The following KMT2B variants were observed in gnomAD, a reference collection of about 807,000 sequenced individuals.
KMT2B encodes lysine methyltransferase 2B, also known as histone-lysine N-methyltransferase 2B.
In KMT2B, 22 loss-of-function variants were observed where a neutral mutation model predicts 255.3. The observed-to-expected ratio is 0.09, with a 90% CI of 0.06 to 0.12. KMT2B has a LOEUF of 0.12. Ranked by LOEUF, KMT2B falls within the 10% of genes least tolerant of loss-of-function variation. The pLI, the probability that KMT2B is intolerant of heterozygous loss-of-function variation, is 1.00. For synonymous variants in KMT2B, 1,730 were observed against 1,498.1 expected (o/e 1.15, Z -3.57); for missense variants, 3,149 against 3,737.0 (o/e 0.84, Z 4.10).
chr19:35,733,350 G>T lies in KMT2B; in HGVS notation c.6801G>T (p.Gly2267=), dbSNP rs1371933577. Residue 2267 remains glycine (G), a synonymous_variant, in exon 28 of 37, where the codon GGG becomes GGT. Transcript: ENST00000420124. This position sits in a 1 kb window ranked among gnomAD's most constrained non-coding sequence, Gnocchi z 4.3. ...PPPLTLVLSS[G]PASPPRQAIR... ...CCCTGACGCTGGTGCTGAGCAGTGG[G>T]CCAGCCAGCCCGCCCCGCCAGGCCA... The T allele has an allele frequency of 1.5e-5, 23 of 1,546,656 alleles. No homozygotes were observed. Among genetic ancestry groups the T allele is most frequent in the Non-Finnish European group, 1.8e-5 (21 of 1,145,250 alleles).
Position 35,727,006 on chromosome 19 carries a change from C to G in KMT2B, c.4004-150C>G. 2.2e-6 allele frequency: 1 copy of G among 450,060 alleles called. No homozygotes were observed. The highest frequency in any genetic ancestry group is 3.3e-5 in the South Asian group (1 of 30,724). The allele number at this position is 450,060 out of a possible 1,614,324, so 27.9% of individuals were successfully genotyped here. ...CTCAAAAAAAAAAAAAAAAAAAAAG[C>G]CTCATCCTCAAGGAGCTTTTAGGGA... On this transcript the variant is annotated intron_variant, in intron 14 of 36. Coordinates refer to ENST00000420124, the MANE Select transcript of KMT2B (RefSeq NM_014727.3). The surrounding 1 kb of genome is among the most constrained non-coding windows in gnomAD (Gnocchi z 4.2).
chr19:35,720,464 G>A lies in KMT2B; in HGVS notation c.1117G>A (p.Glu373Lys), dbSNP rs867807136. 8.4e-6 allele frequency: 13 copies of A among 1,550,428 alleles called. No homozygotes were observed. The highest frequency in any genetic ancestry group is 4.2e-5 in the African/African-American group (3 of 71,992). Residue 373 changes from glutamate (E) to lysine (K), a missense_variant, in exon 3 of 37, where the codon GAA (glutamate) becomes AAA (lysine). This residue lies in a region of KMT2B where 1,188 missense variants were observed against 1,106.4 expected (regional missense o/e 1.07). Coordinates refer to ENST00000420124, the MANE Select transcript of KMT2B (RefSeq NM_014727.3). ...DEEEEKKEEE[E>K]KDKEGEEKEE... The stretch of plus-strand genomic sequence containing the variant: ...GGAAGAAGAGAAGAAAGAAGAAGAA[G>A]AAAAAGACAAGGAGGGAGAAGAGAA...
intron 8 of KMT2B, 147 bp from the exon 9 acceptor site, chr19:35,724,490 C>T (rs1480053498): frequency 2.8e-6 from 2 of 704,906 alleles, no homozygotes; most frequent in African/African-American, 1.8e-5. Context: ...CAGAGCGAGA[C>T]CCTGCCTCAA....
In KMT2B at chr19:35,718,422, A is replaced by G. The variant is rs1276081533; in HGVS notation, c.363+41A>G. On this transcript the variant is annotated intron_variant, in intron 1 of 36. Coordinates refer to ENST00000420124, the MANE Select transcript of KMT2B (RefSeq NM_014727.3). The surrounding 1 kb of genome is among the most constrained non-coding windows in gnomAD (Gnocchi z 5.0). ...GCGTCCCCGGCGCCGGGTGGGGCGG[A>G]GGCCGGGGCTTCCAGGGGTCTGGGT... The G allele has an allele frequency of 6.5e-6, 8 of 1,231,172 alleles. No homozygotes were observed. In the South Asian group the frequency reaches 2.4e-4, roughly 37 times the overall value. 76.3% of individuals were successfully genotyped at this position (1,231,172 alleles called of 1,614,324 possible). A position where few individuals can be genotyped will look rare whatever the true frequency, so the allele number is the denominator to read the frequency against.
intron 9 of KMT2B, 96 bp from the exon 10 acceptor site, chr19:35,724,893 G>GA: frequency 8.6e-7 from 1 of 1,156,968 alleles, no homozygotes; most frequent in Non-Finnish European, 1.3e-6. Flanking sequence ...CTGGATCAGG[G>GA]TCTGGGTCCA....
chr19:35,720,328 A>G lies in KMT2B; in HGVS notation c.981A>G (p.Gln327=), dbSNP rs932293015. Reference sequence around the variant, plus strand: ...TGTCCTTGGGACTCGAATCAGGTCAAGGTCAAGGTCAACATGAGGAAAGTT... The same window carrying G: ...TGTCCTTGGGACTCGAATCAGGTCAGGGTCAAGGTCAACATGAGGAAAGTT... ...GQLSLGLESG[Q]GQGQHEESWQ... Residue 327 remains glutamine (Q), a synonymous_variant, in exon 3 of 37, where the codon CAA becomes CAG. Transcript: ENST00000420124. 4 of 1,612,312 alleles carry G rather than the reference A, an allele frequency of 2.5e-6. No homozygotes were observed. Among genetic ancestry groups the G allele is most frequent in the Middle Eastern group, 1.6e-4 (1 of 6,062 alleles).
At position 35,733,290 on chromosome 19, in the gene KMT2B, A is replaced by G; in HGVS notation, c.6741A>G (p.Gly2247=). The G allele has an allele frequency of 2.2e-6, 3 of 1,395,120 alleles. No homozygotes were observed. The highest frequency in any genetic ancestry group is 1.9e-6 in the Non-Finnish European group (2 of 1,035,852). The allele number at this position is 1,395,120 out of a possible 1,614,324, so 86.4% of individuals were successfully genotyped here. A position where few individuals can be genotyped will look rare whatever the true frequency, so the allele number is the denominator to read the frequency against. ...GPLLGVLPVV[G]VVRPAPPPPP... The stretch of plus-strand genomic sequence containing the variant: ...TCCTCGGCGTGCTGCCCGTGGTCGG[A>G]GTGGTCCGCCCTGCCCCGCCCCCGC... The change falls in exon 28 of 37, where the codon GGA becomes GGG. Residue 2247 remains glycine, a synonymous_variant. Coordinates refer to ENST00000420124, the MANE Select transcript of KMT2B (RefSeq NM_014727.3). This position sits in a 1 kb window ranked among gnomAD's most constrained non-coding sequence, Gnocchi z 4.3.
Position 35,730,566 on chromosome 19 carries a change from T to C in KMT2B, c.5226T>C (p.Thr1742=). ...IGSIRIDSLG[T]LSDLSDCEGR... ...CCATCCGCATTGACTCCCTGGGTAC[T>C]CTGTCTGATCTCTCGGACTGCGAGG... Residue 1742 remains threonine, a synonymous_variant, in exon 25 of 37, where the codon ACT becomes ACC. Transcript: ENST00000420124. 12 of 1,614,044 alleles carry C rather than the reference T, an allele frequency of 7.4e-6. No homozygotes were observed. In the South Asian group the frequency reaches 1.1e-4, roughly 15 times the overall value.
rs3848664 is a variant in KMT2B, at chr19:35,738,742, C to T, written c.*185C>T. On this transcript the variant is annotated 3_prime_UTR_variant, in exon 37 of 37. Coordinates refer to ENST00000420124, the MANE Select transcript of KMT2B (RefSeq NM_014727.3). This position sits in a 1 kb window ranked among gnomAD's most constrained non-coding sequence, Gnocchi z 8.7. ...CCCTCCAGCCCATCCAGCAATCGCC[C>T]CCTTTCTGCCCTGGGGGCCCAGGAT... 33,242 of 632,766 alleles carry T rather than the reference C, an allele frequency of 0.053. 1,057 individuals are homozygous for T. Among genetic ancestry groups the T allele is most frequent in the Middle Eastern group, 0.081 (193 of 2,386 alleles). 39.2% of individuals were successfully genotyped at this position (632,766 alleles called of 1,614,324 possible).
In KMT2B at chr19:35,721,503, T is replaced by C. The variant is rs1298334923; in HGVS notation, c.2156T>C (p.Val719Ala). 1 of 1,612,196 alleles carries C rather than the reference T, an allele frequency of 6.2e-7. No individual in the cohort carries two copies. Among genetic ancestry groups the C allele is most frequent in the African/African-American group, 1.3e-5 (1 of 74,818 alleles). ...PVVTTPVKAE[V>A]SPHGAPALSN... The stretch of plus-strand genomic sequence containing the variant: ...GTCACCACTCCTGTTAAGGCCGAGG[T>C]GTCCCCTCACGGGGCTCCAGCTCTG... The change falls in exon 3 of 37, where the codon GTG becomes GCG. Residue 719 changes from valine to alanine, a missense_variant. Physicochemically the swap from Val to Ala is moderately conservative, Grantham distance 64. Transcript: ENST00000420124.
intron 8 of KMT2B, among the ~76,000 whole-genome samples, chr19:35,724,375 G>T (rs1969344188): frequency 6.6e-6 from 1 of 152,198 alleles, no homozygotes; most frequent in Non-Finnish European, 1.5e-5. Flanking sequence ...GCACGCATCT[G>T]TGGTCTCAGC....
chr19:35,729,422 G>GTTGC, intron 22 of KMT2B, 126 bp downstream of exon 22: 1 of 1,318,844 alleles, frequency 7.6e-7, no homozygotes, highest in Admixed American at 2.1e-5. Context: ...AGGTCTCTTG[G>GTTGC]TTGCCCTGGG....
At position 35,732,919 on chromosome 19, in the gene KMT2B, C is replaced by G; in HGVS notation, c.6370C>G (p.Pro2124Ala). 1.9e-6 allele frequency: 3 copies of G among 1,609,164 alleles called. No homozygotes were observed. The highest frequency in any genetic ancestry group is 2.5e-6 in the Non-Finnish European group (3 of 1,178,366). The part of the protein sequence containing the change: ...VDFVLKNLGG[P>A]GDGGAGPREE... ...TTTTGTGTTGAAGAACCTAGGGGGT[C>G]CTGGGGATGGAGGTGCTGGCCCTAG... Residue 2124 changes from proline to alanine, a missense_variant, in exon 28 of 37, where the codon CCT becomes GCT. By Grantham distance (27) the Pro-to-Ala change is conservative (BLOSUM62 -1). Transcript: ENST00000420124.
chr19:35,730,492 C>T (rs1397428391), intron 24 of KMT2B, 30 bp downstream of exon 24: 13 of 1,613,970 alleles, frequency 8.1e-6, no homozygotes, highest in Admixed American at 1.7e-5. Context: ...CCCTGTCCTC[C>T]TACCCTGTCC....
chr19:35,722,315 C>G, intron 3 of KMT2B, 44 bp from the exon 4 acceptor site: 4 of 1,544,430 alleles, frequency 2.6e-6, no homozygotes, highest in South Asian at 1.2e-5. Flanking sequence ...CTGTCCCTAT[C>G]TTTCCTCACT....
chr19:35,729,582 A>T (rs1969609125), intron 22 of KMT2B, among the ~76,000 whole-genome samples: 1 of 152,106 alleles, frequency 6.6e-6, no homozygotes, highest in South Asian at 2.1e-4. Flanking sequence ...CTCTCACTAC[A>T]TCCCCGTGAG....
Position 35,718,850 on chromosome 19 carries a change from G to A in KMT2B, c.363+469G>A, listed in dbSNP as rs1339629760. 1.3e-5 allele frequency among the ~76,000 whole-genome samples: 2 copies of A among 152,198 alleles called. No individual in the cohort carries two copies. The highest frequency in any genetic ancestry group is 2.9e-5 in the Non-Finnish European group (2 of 68,038). ...TGGCATCTCAGGTAGAGTGGTGGAG[G>A]GCTTCCTCTTGGGGCTCGGGTTGAA... On this transcript the variant is annotated intron_variant, in intron 1 of 36. Transcript: ENST00000420124. The surrounding 1 kb of genome is among the most constrained non-coding windows in gnomAD (Gnocchi z 5.0).
Position 35,725,968 on chromosome 19 carries a change from A to G in KMT2B, c.3885+150A>G, listed in dbSNP as rs776176950. The G allele has an allele frequency of 3.5e-4, 254 of 728,856 alleles. No homozygotes were observed. The highest frequency in any genetic ancestry group is 1.8e-3 in the Middle Eastern group (5 of 2,814). The allele number at this position is 728,856 out of a possible 1,614,324, so 45.1% of individuals were successfully genotyped here. The stretch of plus-strand genomic sequence containing the variant: ...AATGTTTCCTCTTCAAAAATTTCAC[A>G]TAGGTCAGATTTATATTCAGAATTT... On this transcript the variant is annotated intron_variant, in intron 13 of 36. Transcript: ENST00000420124. The surrounding 1 kb of genome is among the most constrained non-coding windows in gnomAD (Gnocchi z 4.1).
chr19:35,728,276 G>A, intron 19 of KMT2B, 105 bp downstream of exon 19: 1 of 1,015,196 alleles, frequency 9.9e-7, no homozygotes, highest in South Asian at 1.4e-5. Context: ...GTAGGGTCTG[G>A]AGCAGAGCTG....
Sources: gnomAD v4.1 joint callset for allele counts (sites outside exome capture counted in the v4.1 genomes callset) on GRCh38, gnomAD v4.1.1 for gene constraint, gnomAD v4.1.1 regional missense constraint, Gnocchi (gnomAD v3.1) non-coding constraint, MANE v1.5 for transcripts, NCBI Gene and HGNC (gene_info 2026-07-23, HGNC 2026-07-21) for gene names.